The following A1CF variants were observed in gnomAD, a reference collection of about 807,000 sequenced individuals.
The protein encoded by A1CF is APOBEC1 complementation factor.
A neutral mutation model predicts 68.9 loss-of-function variants in A1CF; 48 were observed. The observed-to-expected ratio is 0.70, with a 90% CI of 0.55 to 0.89. The LOEUF (loss-of-function observed/expected upper bound fraction) is 0.89. Ranked by LOEUF, A1CF falls within the 40% of genes least tolerant of loss-of-function variation. The probability of loss-of-function intolerance (pLI) is 0.00; values close to 1 mark genes in which losing one functional copy is unlikely to be tolerated. For missense variants in A1CF, 653 were observed against 718.9 expected (o/e 0.91, Z 1.05); for synonymous variants, 272 against 260.4 (o/e 1.04, Z -0.43).
chr10:50,879,521 G>A (rs180946124), intron 1 of A1CF, among the ~76,000 whole-genome samples: 28 of 152,252 alleles, frequency 1.8e-4, no homozygotes, highest in Admixed American at 8.5e-4. Context: ...GTTCTGCATG[G>A]CTGGGGAGGC....
At chr10:50,846,294 C>A (rs1448027651) in intron 3 of A1CF, among the ~76,000 whole-genome samples, 6 of 152,108 alleles carry the variant, frequency 3.9e-5, no homozygotes, top group Admixed American at 3.9e-4. Flanking sequence ...TCCAAGATAT[C>A]TTTATAATGT....
At chr10:50,879,236 T>C (rs141642397) in intron 1 of A1CF, among the ~76,000 whole-genome samples, 2,804 of 152,310 alleles carry the variant, frequency 0.018, 56 homozygotes, top group South Asian at 0.079. Flanking sequence ...GGGACTCCCT[T>C]AGCAGACACA....
At chr10:50,815,585 C>A (rs929797642) in intron 9 of A1CF, among the ~76,000 whole-genome samples, 3 of 152,162 alleles carry the variant, frequency 2.0e-5, no homozygotes, top group African/African-American at 7.2e-5. Flanking sequence ...ATCAAATACA[C>A]ACATGCCTTG....
rs367824591 is a variant in A1CF at position 50,854,024 on chromosome 10, C to T, written c.99+5818G>A. ...GAATTAGAAAGAATAGTCTAGTGAA[C>T]CTAGGGACCTATCACCCAAATTTAA... On this transcript the variant is annotated intron_variant, in intron 3 of 12. Transcript: ENST00000373997. 3.5e-4 allele frequency among the ~76,000 whole-genome samples: 53 copies of T among 151,956 alleles called. 2 individuals are homozygous for T. In the South Asian group the frequency reaches 1.0e-2, roughly 29 times the overall value.
At chr10:50,839,332 C>T (rs1413813747) in intron 5 of A1CF, among the ~76,000 whole-genome samples, 3 of 152,156 alleles carry the variant, frequency 2.0e-5, no homozygotes, top group African/African-American at 4.8e-5. Context: ...CTTACTGTTA[C>T]GATGTCAAGG....
intron 7 of A1CF, among the ~76,000 whole-genome samples, chr10:50,827,758 G>A (rs1229846095): frequency 2.0e-5 from 3 of 152,154 alleles, no homozygotes; most frequent in Non-Finnish European, 4.4e-5. Context: ...ACATTCAAAA[G>A]CTAGCAGAAG....
chr10:50,806,141 A>T lies in A1CF; in HGVS notation c.*588T>A, dbSNP rs1297429252. ...ACAGGAAGATCCTGATCTGTGACAA[A>T]TCGACTGGATGGAATTTTCAGGCTG... is the stretch of plus-strand genomic sequence containing the variant. On this transcript the variant is annotated 3_prime_UTR_variant, in exon 13 of 13. Coordinates refer to ENST00000373997, the MANE Select transcript of A1CF (RefSeq NM_014576.4). 6.6e-6 allele frequency: 1 copy of T among 152,252 alleles called. No individual in the cohort carries two copies. The highest frequency in any genetic ancestry group is 1.5e-5 in the Non-Finnish European group (1 of 68,118). 9.4% of individuals were successfully genotyped at this position (152,252 alleles called of 1,614,324 possible).
intron 2 of A1CF, 117 bp downstream of exon 2, chr10:50,863,916 A>G (rs1412161161): frequency 6.6e-6 from 1 of 152,206 alleles, no homozygotes; most frequent in Non-Finnish European, 1.5e-5. Flanking sequence ...TGATATTCCA[A>G]TTACTCTGAT....
At chr10:50,856,732 GA>G (rs1840494097) in intron 3 of A1CF, among the ~76,000 whole-genome samples, 1 of 151,954 alleles carries the variant, frequency 6.6e-6, no homozygotes, top group Non-Finnish European at 1.5e-5. Context: ...GTATAGTAAG[GA>G]CTAGATGAGT....
At chr10:50,866,567 T>G (rs1299147612) in intron 1 of A1CF, among the ~76,000 whole-genome samples, 1 of 152,148 alleles carries the variant, frequency 6.6e-6, no homozygotes, top group African/African-American at 2.4e-5. Context: ...GAGAAGGAAG[T>G]TGGAAGAGAG....
At chr10:50,823,371 C>G (rs1462675472) in intron 7 of A1CF, 1 of 152,110 alleles carries the variant, frequency 6.6e-6, no homozygotes. Context: ...ATCATTATTA[C>G]TCAATCATCC....
intron 3 of A1CF, among the ~76,000 whole-genome samples, chr10:50,858,234 T>C (rs1265625456): frequency 6.6e-6 from 1 of 152,068 alleles, no homozygotes; most frequent in African/African-American, 2.4e-5. Context: ...GAAAAAAATA[T>C]CAATTTTTTT....
intron 1 of A1CF, among the ~76,000 whole-genome samples, chr10:50,873,323 A>G (rs1023402029): frequency 2.0e-5 from 3 of 152,078 alleles, no homozygotes; most frequent in East Asian, 3.9e-4. Context: ...TGTAGATAGC[A>G]AGAGAAGAAG....
At chr10:50,858,724 A>G (rs1446451379) in intron 3 of A1CF, among the ~76,000 whole-genome samples, 1 of 152,128 alleles carries the variant, frequency 6.6e-6, no homozygotes, top group Admixed American at 6.6e-5. Context: ...TGTTGATTGC[A>G]AAAAGAAAGA....
At chr10:50,832,731 G>T (rs1839308870) in intron 6 of A1CF, among the ~76,000 whole-genome samples, 1 of 152,212 alleles carries the variant, frequency 6.6e-6, no homozygotes, top group South Asian at 2.1e-4. Context: ...GTCAGGAAAA[G>T]ATGATGCAGA....
intron 1 of A1CF, among the ~76,000 whole-genome samples, chr10:50,885,071 C>T (rs1016846290): frequency 7.9e-5 from 12 of 152,126 alleles, no homozygotes; most frequent in African/African-American, 2.4e-4. Context: ...CAGGCGGAAT[C>T]GCAAGAGTTG....
At chr10:50,872,081 C>T (rs1483675794) in intron 1 of A1CF, among the ~76,000 whole-genome samples, 1 of 151,612 alleles carries the variant, frequency 6.6e-6, no homozygotes, top group Non-Finnish European at 1.5e-5. Flanking sequence ...GACAAATGAG[C>T]AAAGGAAATG....
intron 7 of A1CF, 60 bp from the exon 8 acceptor site, chr10:50,820,709 T>C (rs1564500788): frequency 7.9e-6 from 11 of 1,387,598 alleles, no homozygotes; most frequent in Non-Finnish European, 1.1e-5. Flanking sequence ...GAAAGTGATA[T>C]ATTTTAGCAT....
chr10:50,851,138 C>T (rs1359610790), intron 3 of A1CF, among the ~76,000 whole-genome samples: 1 of 152,164 alleles, frequency 6.6e-6, no homozygotes, highest in Non-Finnish European at 1.5e-5. Flanking sequence ...CTTCTCCTTA[C>T]AACACTCTTG....
Sources: gnomAD v4.1 joint callset for allele counts (sites outside exome capture counted in the v4.1 genomes callset) on GRCh38, gnomAD v4.1.1 for gene constraint, MANE v1.5 for transcripts, NCBI Gene and HGNC (gene_info 2026-07-23, HGNC 2026-07-21) for gene names.